The following KCNB2 variants were observed in gnomAD, a reference collection of about 807,000 sequenced individuals.
KCNB2 encodes the protein potassium voltage-gated channel subfamily B member 2.
KCNB2 carries 15 observed loss-of-function variants against 61.5 expected under a neutral mutation model. The observed-to-expected ratio is 0.24, with a 90% confidence interval of 0.16 to 0.38. The LOEUF (loss-of-function observed/expected upper bound fraction) is 0.38. KCNB2 is among the 10% of genes least tolerant of loss of function. The probability of loss-of-function intolerance (pLI) is 1.00; values close to 1 mark genes in which losing one functional copy is unlikely to be tolerated. For missense variants in KCNB2, 828 were observed against 1,125.2 expected (o/e 0.74, Z 3.78); for synonymous variants, 457 against 446.0 (o/e 1.02, Z -0.31).
chr8:72,538,065 G>T (rs975209772), intron 1 of KCNB2, among the ~76,000 whole-genome samples, 180 bp downstream of exon 1: 1 of 151,910 alleles, frequency 6.6e-6, no homozygotes, highest in African/African-American at 2.4e-5. Context: ...GCTCCTTCCC[G>T]GTGGGGAAGG....
intron 2 of KCNB2, among the ~76,000 whole-genome samples, chr8:72,696,450 G>C (rs749708557): frequency 4.7e-4 from 71 of 152,290 alleles, no homozygotes; most frequent in Non-Finnish European, 7.9e-4. Context: ...CTCCCATTAT[G>C]TATATAATCT....
chr8:72,810,835 T>G (rs559645165), intron 2 of KCNB2, among the ~76,000 whole-genome samples: 2 of 152,296 alleles, frequency 1.3e-5, no homozygotes, highest in South Asian at 2.1e-4. Context: ...CATCCCAACC[T>G]AAAATCCACA....
chr8:72,768,286 GC>G (rs1416532843), intron 2 of KCNB2, among the ~76,000 whole-genome samples: 1 of 151,938 alleles, frequency 6.6e-6, no homozygotes, highest in Non-Finnish European at 1.5e-5. Flanking sequence ...AAGCAATCCT[GC>G]CTCACCCTCC....
intron 2 of KCNB2, among the ~76,000 whole-genome samples, chr8:72,653,931 C>T (rs1806250771): frequency 6.6e-6 from 1 of 152,120 alleles, no homozygotes; most frequent in African/African-American, 2.4e-5. Context: ...TCTTTTTTAT[C>T]TGTTTCTAAT....
At chr8:72,803,898 AC>A (rs1397631167) in intron 2 of KCNB2, among the ~76,000 whole-genome samples, 1 of 152,172 alleles carries the variant, frequency 6.6e-6, no homozygotes, top group Non-Finnish European at 1.5e-5. Flanking sequence ...CAATAGCTTT[AC>A]CTTTCCATTC....
chr8:72,830,368 C>T (rs980080927), intron 2 of KCNB2, among the ~76,000 whole-genome samples: 3 of 152,060 alleles, frequency 2.0e-5, no homozygotes, highest in African/African-American at 7.2e-5. Flanking sequence ...TCCTGCTCAA[C>T]CAAGATGGAC....
At chr8:72,619,563 C>G (rs1025794413) in intron 2 of KCNB2, among the ~76,000 whole-genome samples, 7 of 150,368 alleles carry the variant, frequency 4.7e-5, no homozygotes, top group Admixed American at 1.3e-4. Context: ...CAGCAACCTG[C>G]ACCTCTTTCT....
intron 2 of KCNB2, among the ~76,000 whole-genome samples, chr8:72,910,301 T>C (rs947771190): frequency 6.6e-6 from 1 of 152,178 alleles, no homozygotes; most frequent in African/African-American, 2.4e-5. Flanking sequence ...GGGATAGTGT[T>C]GGTGGGATTA....
intron 2 of KCNB2, among the ~76,000 whole-genome samples, chr8:72,684,380 A>T (rs1459798902): frequency 2.0e-5 from 3 of 152,208 alleles, no homozygotes; most frequent in African/African-American, 4.8e-5. Context: ...AGGGCTGCAG[A>T]TGTGGCAGCT....
At position 72,936,092 on chromosome 8, in the gene KCNB2, T is replaced by C; in HGVS notation, c.737T>C (p.Met246Thr). Residue 246 changes from methionine to threonine, a missense_variant, in exon 3 of 3, where the codon ATG becomes ACG. Coordinates refer to ENST00000523207, the MANE Select transcript of KCNB2 (RefSeq NM_004770.3). This position sits in a 1 kb window ranked among gnomAD's most constrained non-coding sequence, Gnocchi z 5.6. ...GCTGTGTGTATTGCATGGTTTACCATGGAGTACCTTTTGCGATTCTTATCC... is the reference window on the plus strand; with the variant it reads ...GCTGTGTGTATTGCATGGTTTACCACGGAGTACCTTTTGCGATTCTTATCC... ...VEAVCIAWFT[M>T]EYLLRFLSSP... 1.2e-6 allele frequency: 2 copies of C among 1,614,236 alleles called. No individual in the cohort carries two copies.
chr8:72,613,017 C>T (rs938480458), intron 2 of KCNB2, among the ~76,000 whole-genome samples: 1 of 152,170 alleles, frequency 6.6e-6, no homozygotes, highest in African/African-American at 2.4e-5. Context: ...TGTGCACACA[C>T]ATGCACACAA....
chr8:72,560,264 A>G (rs1806492084), intron 1 of KCNB2, among the ~76,000 whole-genome samples: 1 of 152,208 alleles, frequency 6.6e-6, no homozygotes, highest in Non-Finnish European at 1.5e-5. Flanking sequence ...AGACCTAACA[A>G]ATTGTTCAAA....
intron 2 of KCNB2, among the ~76,000 whole-genome samples, chr8:72,610,193 T>C (rs889343946): frequency 2.6e-5 from 4 of 152,158 alleles, no homozygotes; most frequent in Non-Finnish European, 5.9e-5. Flanking sequence ...CTTAAAGCTC[T>C]CCAAATCACA....
intron 2 of KCNB2, among the ~76,000 whole-genome samples, chr8:72,928,040 C>A (rs1402580139): frequency 2.0e-5 from 3 of 152,104 alleles, no homozygotes; most frequent in African/African-American, 7.2e-5. Context: ...GTTATAGAAT[C>A]TGAATAGAGC....
At chr8:72,764,198 G>A (rs1047299099) in intron 2 of KCNB2, among the ~76,000 whole-genome samples, 3 of 152,168 alleles carry the variant, frequency 2.0e-5, no homozygotes, top group Non-Finnish European at 4.4e-5. Flanking sequence ...ACGGAGAAAG[G>A]CAGGATGGAT....
At chr8:72,899,283 A>G (rs1806043885) in intron 2 of KCNB2, among the ~76,000 whole-genome samples, 1 of 152,168 alleles carries the variant, frequency 6.6e-6, no homozygotes, top group Non-Finnish European at 1.5e-5. Flanking sequence ...CACAGCCAAC[A>G]TCACACTGAA....
chr8:72,561,146 G>A (rs1189108874), intron 1 of KCNB2, among the ~76,000 whole-genome samples: 15 of 151,638 alleles, frequency 9.9e-5, no homozygotes, highest in Admixed American at 9.9e-4. Flanking sequence ...GTTATATCAA[G>A]GATAAAAGTT....
chr8:72,711,840 A>C (rs1446922710), intron 2 of KCNB2, among the ~76,000 whole-genome samples: 1 of 152,140 alleles, frequency 6.6e-6, no homozygotes, highest in Non-Finnish European at 1.5e-5. Flanking sequence ...ATACCAAAAA[A>C]TATTAGCCAG....
At chr8:72,749,536 C>G (rs921027600) in intron 2 of KCNB2, 1 of 151,858 alleles carries the variant, frequency 6.6e-6, no homozygotes, top group South Asian at 2.1e-4. Context: ...CTTTGCCCAT[C>G]TCAGCAAAGG....
Sources: gnomAD v4.1 joint callset for allele counts (sites outside exome capture counted in the v4.1 genomes callset) on GRCh38, gnomAD v4.1.1 for gene constraint, Gnocchi (gnomAD v3.1) non-coding constraint, MANE v1.5 for transcripts, NCBI Gene and HGNC (gene_info 2026-07-23, HGNC 2026-07-21) for gene names.